HECW2: variants seen among roughly 807,000 people sequenced by gnomAD.
HECW2 encodes HECT, C2 and WW domain containing E3 ubiquitin protein ligase 2, also known as E3 ubiquitin-protein ligase HECW2.
A neutral mutation model predicts 175.2 loss-of-function variants in HECW2; 61 were observed. The ratio of observed to expected loss-of-function variants is 0.35; its 90% confidence interval spans 0.28 to 0.43. The LOEUF (loss-of-function observed/expected upper bound fraction) is 0.43. HECW2 is among the 20% of genes least tolerant of loss of function. HECW2 has a pLI of 1.00. For synonymous variants in HECW2, 671 were observed against 731.0 expected, an observed-to-expected ratio of 0.92 and a Z score of 1.32; for missense variants, 1,524 against 2,000.5, an observed-to-expected ratio of 0.76 and a Z score of 4.54.
At chr2:196,382,323 T>C (rs1405210870) in intron 2 of HECW2, among the ~76,000 whole-genome samples, 1 of 151,850 alleles carries the variant, frequency 6.6e-6, no homozygotes, top group African/African-American at 2.4e-5. Flanking sequence ...TGAGCATTGT[T>C]ACCTGTGAGA....
intron 2 of HECW2, among the ~76,000 whole-genome samples, chr2:196,423,335 A>G (rs1695455003): frequency 6.6e-6 from 1 of 152,080 alleles, no homozygotes; most frequent in Non-Finnish European, 1.5e-5. Flanking sequence ...AAAAAGTTAA[A>G]TTATCTGCCC....
chr2:196,331,683 G>C (rs1008263794), intron 4 of HECW2, among the ~76,000 whole-genome samples: 8 of 152,050 alleles, frequency 5.3e-5, no homozygotes, highest in African/African-American at 1.2e-4. Context: ...CTGGCAAAAG[G>C]CTTCCTGAAA....
At chr2:196,213,558 G>A (rs978418254) in intron 28 of HECW2, among the ~76,000 whole-genome samples, 1 of 152,200 alleles carries the variant, frequency 6.6e-6, no homozygotes, top group African/African-American at 2.4e-5. Context: ...TTGTTACGGA[G>A]AGGGTATGAA....
At chr2:196,266,663 T>G (rs1689529215) in intron 17 of HECW2, among the ~76,000 whole-genome samples, 1 of 152,144 alleles carries the variant, frequency 6.6e-6, no homozygotes, top group South Asian at 2.1e-4. Context: ...TGCAGAAAAA[T>G]TCATTTGCCA....
chr2:196,455,396 G>A (rs1368385186), intron 1 of HECW2, among the ~76,000 whole-genome samples: 1 of 152,078 alleles, frequency 6.6e-6, no homozygotes, highest in African/African-American at 2.4e-5. Flanking sequence ...AAATAATAGT[G>A]ATTTCTATAT....
intron 1 of HECW2, among the ~76,000 whole-genome samples, chr2:196,536,058 A>C (rs1689009524): frequency 6.6e-6 from 1 of 152,208 alleles, no homozygotes; most frequent in Non-Finnish European, 1.5e-5. Flanking sequence ...ACTTTAGAAC[A>C]ACCTGGAAAG....
intron 1 of HECW2, among the ~76,000 whole-genome samples, chr2:196,474,473 A>G (rs1045808080): frequency 6.6e-6 from 1 of 152,212 alleles, no homozygotes; most frequent in Non-Finnish European, 1.5e-5. Context: ...TACCTTAATA[A>G]TAATGATGTT....
intron 14 of HECW2, among the ~76,000 whole-genome samples, chr2:196,279,842 C>T (rs1266568823): frequency 6.6e-6 from 1 of 152,286 alleles, no homozygotes; most frequent in South Asian, 2.1e-4. Flanking sequence ...GACATTTCTC[C>T]CCCATAATGT....
At chr2:196,527,358 C>A (rs572191321) in intron 1 of HECW2, among the ~76,000 whole-genome samples, 2 of 152,250 alleles carry the variant, frequency 1.3e-5, no homozygotes, top group African/African-American at 2.4e-5. Context: ...CACGCACCCA[C>A]TGGCCTGCGC....
chr2:196,314,092 G>T (rs904718736), intron 10 of HECW2, among the ~76,000 whole-genome samples: 1 of 152,188 alleles, frequency 6.6e-6, no homozygotes, highest in Non-Finnish European at 1.5e-5. Flanking sequence ...AGAGTGACCT[G>T]CACAGAGAGG....
intron 1 of HECW2, among the ~76,000 whole-genome samples, chr2:196,591,637 C>A (rs1691196605): frequency 6.6e-6 from 1 of 151,934 alleles, no homozygotes; most frequent in African/African-American, 2.4e-5. Flanking sequence ...CCACCCTCCA[C>A]CCCACCCTAC....
chr2:196,242,057 T>C (rs780868204), intron 20 of HECW2, 27 bp downstream of exon 20: 2 of 1,611,970 alleles, frequency 1.2e-6, no homozygotes, highest in Non-Finnish European at 1.7e-6. Flanking sequence ...ATCTATACAT[T>C]ATGTGGTTTG....
In HECW2 at chr2:196,303,909, C is replaced by T. The variant is rs2105696437; in HGVS notation, c.2814+2579G>A. Among the ~76,000 whole-genome samples the T allele has an allele frequency of 1.3e-5, 2 of 152,242 alleles. 1 individual carries two copies. The highest frequency in any genetic ancestry group is 4.2e-4 in the South Asian group (2 of 4,816). On this transcript the variant is annotated intron_variant, in intron 13 of 28. Transcript: ENST00000644978. ...TGTCATCTCTGTCTTCAAAATATAT[C>T]CAATATTCATCCATTTGTCACCGTC... is the stretch of plus-strand genomic sequence containing the variant.
At chr2:196,464,040 T>G (rs1321989709) in intron 1 of HECW2, among the ~76,000 whole-genome samples, 1 of 152,134 alleles carries the variant, frequency 6.6e-6, no homozygotes, top group African/African-American at 2.4e-5. Context: ...TCCTTTTTTT[T>G]TTTTTCTGGA....
chr2:196,215,837 A>G (rs749797656), intron 28 of HECW2, 28 bp downstream of exon 28: 1 of 1,443,962 alleles, frequency 6.9e-7, no homozygotes, highest in South Asian at 1.1e-5. Context: ...ATGTTGTGAC[A>G]GTAAAGAAAT....
At chr2:196,432,526 A>G (rs1695746442) in intron 2 of HECW2, among the ~76,000 whole-genome samples, 1 of 152,250 alleles carries the variant, frequency 6.6e-6, no homozygotes, top group Admixed American at 6.5e-5. Context: ...ACTAAGAACA[A>G]CAAGCGTAAA....
chr2:196,515,068 C>A (rs1277109513), intron 1 of HECW2, among the ~76,000 whole-genome samples: 3 of 152,228 alleles, frequency 2.0e-5, no homozygotes, highest in East Asian at 1.9e-4. Flanking sequence ...CCTCTCCAAG[C>A]CTCCAGGGAC....
chr2:196,290,334 C>G (rs374456284), intron 14 of HECW2: 3 of 152,314 alleles, frequency 2.0e-5, no homozygotes, highest in East Asian at 3.9e-4. Context: ...CTTAAGAATA[C>G]ATTACAACTC....
intron 26 of HECW2, 93 bp from the exon 27 acceptor site, chr2:196,217,186 A>G (rs1687505881): frequency 2.5e-6 from 2 of 800,082 alleles, no homozygotes; most frequent in Non-Finnish European, 4.1e-6. Context: ...GACATAAATC[A>G]TCCTCTTGAA....
Sources: allele counts gnomAD v4.1 joint callset (sites outside exome capture counted in the v4.1 genomes callset), GRCh38; gene constraint gnomAD v4.1.1; transcripts MANE v1.5; gene names NCBI Gene and HGNC (gene_info 2026-07-23, HGNC 2026-07-21).